UNC5D: variants seen among roughly 807,000 people sequenced by gnomAD.
UNC5D encodes the protein unc-5 netrin receptor D.
In UNC5D, 39 loss-of-function variants were observed where a neutral mutation model predicts 105.4. The observed-to-expected ratio is 0.37, with a 90% confidence interval of 0.29 to 0.48. UNC5D has a LOEUF of 0.48. Ranked by LOEUF, UNC5D falls within the 20% of genes least tolerant of loss-of-function variation. The pLI is 0.98. For missense variants in UNC5D, 991 were observed against 1,202.4 expected (o/e 0.82, Z 2.60); for synonymous variants, 452 against 450.4 (o/e 1.00, Z -0.04).
chr8:35,399,408 C>G (rs1322830951), intron 1 of UNC5D, among the ~76,000 whole-genome samples: 2 of 151,744 alleles, frequency 1.3e-5, no homozygotes, highest in African/African-American at 4.8e-5. Flanking sequence ...TAAAATTTAC[C>G]CCAACTGCTA....
chr8:35,716,504 C>T (rs1199130816), intron 8 of UNC5D, among the ~76,000 whole-genome samples: 1 of 152,186 alleles, frequency 6.6e-6, no homozygotes, highest in Non-Finnish European at 1.5e-5. Context: ...ACTTACCAAT[C>T]ATGAGGCTTT....
intron 1 of UNC5D, among the ~76,000 whole-genome samples, chr8:35,305,195 A>T (rs1483990193): frequency 6.6e-6 from 1 of 152,154 alleles, no homozygotes; most frequent in Non-Finnish European, 1.5e-5. Flanking sequence ...TCCAAGTGAG[A>T]AGTAGGATGG....
At chr8:35,451,805 G>A (rs1442271614) in intron 1 of UNC5D, among the ~76,000 whole-genome samples, 4 of 152,050 alleles carry the variant, frequency 2.6e-5, no homozygotes, top group Admixed American at 2.0e-4. Flanking sequence ...TCTTTCTAGT[G>A]GTTGATTTCT....
intron 1 of UNC5D, among the ~76,000 whole-genome samples, chr8:35,367,724 A>G (rs1198160889): frequency 6.6e-6 from 1 of 152,194 alleles, no homozygotes; most frequent in Non-Finnish European, 1.5e-5. Context: ...GAGTGAATTT[A>G]TAATGACAGT....
intron 11 of UNC5D, among the ~76,000 whole-genome samples, chr8:35,740,608 C>G (rs571382711): frequency 6.6e-6 from 1 of 152,290 alleles, no homozygotes; most frequent in Admixed American, 6.5e-5. Flanking sequence ...CCCTGCTTTC[C>G]TTGGGCTTTG....
intron 1 of UNC5D, among the ~76,000 whole-genome samples, chr8:35,492,457 C>T (rs1811274116): frequency 1.3e-5 from 2 of 152,008 alleles, no homozygotes; most frequent in South Asian, 4.1e-4. Flanking sequence ...AGTTGGCCAT[C>T]AGTGATTGAG....
At chr8:35,670,791 A>G (rs1035173146) in intron 4 of UNC5D, among the ~76,000 whole-genome samples, 25 of 146,478 alleles carry the variant, frequency 1.7e-4, no homozygotes, top group African/African-American at 6.2e-4. Context: ...ACAGGTTGAT[A>G]GGTGTAGGAA....
chr8:35,764,340 G>A (rs915039557), intron 14 of UNC5D, among the ~76,000 whole-genome samples: 1 of 152,168 alleles, frequency 6.6e-6, no homozygotes, highest in Non-Finnish European at 1.5e-5. Flanking sequence ...TTCAGAGAGA[G>A]ATGGCAGTTG....
rs1173612525 is a variant in UNC5D, at chr8:35,352,610, T to G, written c.103+116723T>G. ...TTTCTCAATGCTAGTATTTCTTTTT[T>G]GTTTGTTTGCTTTTGGTTTCGAGAC... On this transcript the variant is annotated intron_variant, in intron 1 of 16. Transcript: ENST00000404895. Among the ~76,000 whole-genome samples the G allele has an allele frequency of 2.0e-5, 3 of 152,134 alleles. No individual in the cohort carries two copies. In the East Asian group the frequency reaches 5.8e-4, roughly 29 times the overall value.
At chr8:35,771,893 T>C (rs1317564024) in intron 15 of UNC5D, among the ~76,000 whole-genome samples, 1 of 152,176 alleles carries the variant, frequency 6.6e-6, no homozygotes, top group African/African-American at 2.4e-5. Flanking sequence ...TTTTCCGGGT[T>C]TCATAACTTC....
intron 1 of UNC5D, among the ~76,000 whole-genome samples, chr8:35,442,162 GTT>G (rs1258725313): frequency 2.6e-5 from 4 of 151,810 alleles, no homozygotes; most frequent in African/African-American, 9.7e-5. Context: ...TTAATTGGTG[GTT>G]TTTGTTGTTT....
intron 2 of UNC5D, among the ~76,000 whole-genome samples, chr8:35,564,835 A>C (rs1817219333): frequency 6.6e-6 from 1 of 152,122 alleles, no homozygotes; most frequent in Admixed American, 6.5e-5. Flanking sequence ...ATTATATGTG[A>C]AAACATGCAG....
chr8:35,297,037 A>G (rs1409322422), intron 1 of UNC5D, among the ~76,000 whole-genome samples: 4 of 152,228 alleles, frequency 2.6e-5, no homozygotes, highest in South Asian at 4.1e-4. Context: ...AACAAATTTT[A>G]TAAGTCATGG....
At chr8:35,756,067 A>C (rs1250271953) in intron 13 of UNC5D, among the ~76,000 whole-genome samples, 1 of 152,200 alleles carries the variant, frequency 6.6e-6, no homozygotes, top group Non-Finnish European at 1.5e-5. Context: ...TTTAAAGCTC[A>C]TACTCAGGAG....
At chr8:35,582,404 A>G (rs1818521732) in intron 3 of UNC5D, among the ~76,000 whole-genome samples, 1 of 152,138 alleles carries the variant, frequency 6.6e-6, no homozygotes, top group South Asian at 2.1e-4. Flanking sequence ...AGATTTGGCT[A>G]CCCAAAAGGT....
intron 1 of UNC5D, among the ~76,000 whole-genome samples, chr8:35,415,550 C>T (rs901742653): frequency 6.6e-6 from 1 of 152,112 alleles, no homozygotes; most frequent in Non-Finnish European, 1.5e-5. Context: ...AATCGTCTCC[C>T]CCTGATTCCC....
At chr8:35,287,761 T>G (rs1274639680) in intron 1 of UNC5D, among the ~76,000 whole-genome samples, 1 of 152,066 alleles carries the variant, frequency 6.6e-6, no homozygotes, top group African/African-American at 2.4e-5. Context: ...GAGCTATGAT[T>G]GCACCTTTGC....
intron 16 of UNC5D, among the ~76,000 whole-genome samples, chr8:35,780,499 T>G (rs1027752460): frequency 2.6e-5 from 4 of 152,230 alleles, no homozygotes; most frequent in Non-Finnish European, 5.9e-5. Context: ...CTTAGCAATC[T>G]GTTTCTGAAT....
chr8:35,547,428 C>T (rs771083052), intron 1 of UNC5D, among the ~76,000 whole-genome samples: 6 of 151,874 alleles, frequency 4.0e-5, no homozygotes, highest in South Asian at 2.1e-4. Context: ...CCTCTCAAGT[C>T]GCTGAGATTA....
Sources: gnomAD v4.1 joint callset for allele counts (sites outside exome capture counted in the v4.1 genomes callset) on GRCh38, gnomAD v4.1.1 for gene constraint, MANE v1.5 for transcripts, NCBI Gene and HGNC (gene_info 2026-07-23, HGNC 2026-07-21) for gene names.